Variants in ABCC2 observed in about 807,000 individuals in gnomAD.
ABCC2 encodes the protein ATP binding cassette subfamily C member 2, also known as ATP-binding cassette sub-family C member 2.
In ABCC2, 157 loss-of-function variants were observed where a neutral mutation model predicts 173.4. That is an observed-to-expected ratio of 0.91 (90% CI 0.80 to 1.03). The LOEUF (loss-of-function observed/expected upper bound fraction) is 1.03. Ranked by LOEUF, ABCC2 falls within the 50% of genes least tolerant of loss-of-function variation. The pLI is 0.00. For synonymous variants in ABCC2, 657 were observed against 693.5 expected, an observed-to-expected ratio of 0.95 and a Z score of 0.83; for missense variants, 1,822 against 1,852.3, an observed-to-expected ratio of 0.98 and a Z score of 0.30.
At chr10:99,822,904 A>G (rs1185820203) in intron 19 of ABCC2, among the ~76,000 whole-genome samples, 1 of 152,130 alleles carries the variant, frequency 6.6e-6, no homozygotes, top group East Asian at 1.9e-4. Context: ...AAGCTTTACT[A>G]CAATATCCTG....
chr10:99,800,512 C>A lies in ABCC2; in HGVS notation c.1158C>A (p.Phe386Leu), dbSNP rs2037998158. 6.2e-7 allele frequency: 1 copy of A among 1,614,186 alleles called. No individual in the cohort carries two copies. Among genetic ancestry groups the A allele is most frequent in the Non-Finnish European group, 8.5e-7 (1 of 1,180,028 alleles). ...TTCAGTGTTATTTCCAACTGTGCTTCAAGCTGGGTGTAAAAGTACGGACAG... is the reference window on the plus strand; with the variant it reads ...TTCAGTGTTATTTCCAACTGTGCTTAAAGCTGGGTGTAAAAGTACGGACAG... ...FCLQCYFQLCFKLGVKVRTAI... is the reference protein window; with the variant it reads ...FCLQCYFQLCLKLGVKVRTAI... Residue 386 changes from phenylalanine (F) to leucine (L), a missense_variant, in exon 9 of 32, where the codon TTC becomes TTA. By Grantham distance (22) the Phe-to-Leu change is conservative. Coordinates refer to ENST00000647814, the MANE Select transcript of ABCC2 (RefSeq NM_000392.5).
At chr10:99,836,415 C>G (rs540139343) in intron 25 of ABCC2, 125 bp downstream of exon 25, 1 of 1,003,304 alleles carries the variant, frequency 1.0e-6, no homozygotes, top group African/African-American at 1.6e-5. Flanking sequence ...CACTGTCATG[C>G]TATGTAAGTG....
chr10:99,787,065 G>T (rs2037724482), intron 2 of ABCC2, among the ~76,000 whole-genome samples: 1 of 151,158 alleles, frequency 6.6e-6, no homozygotes, highest in South Asian at 2.1e-4. Flanking sequence ...CTACTCAGGT[G>T]GCTGAGGCAT....
intron 16 of ABCC2, among the ~76,000 whole-genome samples, chr10:99,814,739 GTATATGTATGTATATACACACACATA>G (rs2038364972): frequency 7.0e-6 from 1 of 142,280 alleles, no homozygotes; most frequent in African/African-American, 2.6e-5. Flanking sequence ...GTGTGTATGT[GTATATGTATGTATATACACACACATA>G]TATGTGTGTG....
chr10:99,808,082 G>A lies in ABCC2; in HGVS notation c.1669-1G>A. 6.2e-7 allele frequency: 1 copy of A among 1,614,032 alleles called. No homozygotes were observed. Among genetic ancestry groups the A allele is most frequent in the Non-Finnish European group, 8.5e-7 (1 of 1,179,990 alleles). On this transcript the variant is annotated splice_acceptor_variant, in intron 12 of 31. Transcript: ENST00000647814. LOFTEE classifies it high-confidence loss of function. ...ATTGCTCATGACCTTGCCCTTTCCA[G>A]GTATCTGTGGTCACATTTTCTGTTT...
rs2038340165 is a variant in ABCC2 at position 99,814,574 on chromosome 10, C to CGTGT, written c.2094+1430_2094+1431insGTGT. ...ATGTGTATATACACATATACACACA[C>CGTGT]ATATGTGTATATACACATATACACA... On this transcript the variant is annotated intron_variant, in intron 16 of 31. Transcript: ENST00000647814. Among the ~76,000 whole-genome samples the CGTGT allele has an allele frequency of 2.8e-4, 27 of 96,950 alleles. 4 individuals carry two copies. The highest frequency in any genetic ancestry group is 8.6e-5 in the Non-Finnish European group (4 of 46,484). 63.6% of individuals were successfully genotyped at this position (96,950 alleles called of 152,430 possible). A position where few individuals can be genotyped will look rare whatever the true frequency, so the allele number is the denominator to read the frequency against.
chr10:99,818,723 T>G, intron 17 of ABCC2, 67 bp from the exon 18 acceptor site: 1 of 1,583,914 alleles, frequency 6.3e-7, no homozygotes, highest in Non-Finnish European at 8.7e-7. Context: ...CTTTTACCCC[T>G]CCCTATTAGA....
intron 30 of ABCC2, among the ~76,000 whole-genome samples, chr10:99,849,536 T>TA (rs2039061015): frequency 6.6e-6 from 1 of 152,228 alleles, no homozygotes; most frequent in African/African-American, 2.4e-5. Flanking sequence ...CCTGGGGGAC[T>TA]AAAACTTACA....
At position 99,831,060 on chromosome 10, in the gene ABCC2, A is replaced by C. The variant is rs577092169; in HGVS notation, c.2883+209A>C. Among the ~76,000 whole-genome samples, 5 of 152,304 alleles carry C rather than the reference A, an allele frequency of 3.3e-5. No homozygotes were observed. The South Asian group carries it at 1.0e-3, about 32-fold the overall frequency. ...CATAAAGAATGCTATGTTTCCTGTG[A>C]ATGTCCTCATCCTACACTTCATGAG... On this transcript the variant is annotated intron_variant, in intron 21 of 31. Transcript: ENST00000647814.
Position 99,814,302 on chromosome 10 carries a change from C to CAT in ABCC2, c.2094+1159_2094+1160insTA, listed in dbSNP as rs1361552434. ...GTATGTATACACACACGTATGTATA[C>CAT]ACACATGTATATACACACGTATGTA... is the stretch of plus-strand genomic sequence containing the variant. On this transcript the variant is annotated intron_variant, in intron 16 of 31. Transcript: ENST00000647814. 7.0e-4 allele frequency among the ~76,000 whole-genome samples: 50 copies of CAT among 71,688 alleles called. 2 individuals are homozygous for CAT. The highest frequency in any genetic ancestry group is 0.015 in the Middle Eastern group (2 of 134). 47.0% of individuals were successfully genotyped at this position (71,688 alleles called of 152,430 possible).
intron 2 of ABCC2, 55 bp downstream of exon 2, chr10:99,784,836 A>G (rs900205489): frequency 1.3e-6 from 2 of 1,592,394 alleles, no homozygotes. Flanking sequence ...CAGTAGAGAC[A>G]TTTTCTTGGT....
intron 17 of ABCC2, 77 bp downstream of exon 17, chr10:99,817,561 C>A: frequency 1.4e-6 from 2 of 1,476,732 alleles, no homozygotes; most frequent in Non-Finnish European, 1.9e-6. Context: ...TGAAGAACTA[C>A]ACAGGGGTAA....
chr10:99,821,443 G>A (rs1279919241), intron 19 of ABCC2, among the ~76,000 whole-genome samples: 1 of 152,114 alleles, frequency 6.6e-6, no homozygotes, highest in Non-Finnish European at 1.5e-5. Flanking sequence ...CCATATTTCA[G>A]ACTATCACAT....
intron 29 of ABCC2, 94 bp downstream of exon 29, chr10:99,845,876 C>T: frequency 7.4e-7 from 1 of 1,346,500 alleles, no homozygotes. Context: ...GTTCAGTCAG[C>T]ACTGTCAATT....
intron 19 of ABCC2, among the ~76,000 whole-genome samples, chr10:99,828,790 A>G (rs1321040767): frequency 2.6e-5 from 4 of 151,626 alleles, no homozygotes; most frequent in Non-Finnish European, 5.9e-5. Flanking sequence ...GGTGGTGGGG[A>G]GCATGTCTTC....
chr10:99,820,560 C>T (rs1005539070), intron 19 of ABCC2, among the ~76,000 whole-genome samples: 2 of 152,180 alleles, frequency 1.3e-5, no homozygotes, highest in East Asian at 1.9e-4. Context: ...GAGTTTGAGA[C>T]CACCCTGGGC....
At position 99,786,796 on chromosome 10, in the gene ABCC2, A is replaced by T. The variant is rs2037718274; in HGVS notation, c.207+2015A>T. 2.0e-5 allele frequency among the ~76,000 whole-genome samples: 3 copies of T among 152,284 alleles called. No individual in the cohort carries two copies. The South Asian group carries it at 6.2e-4, about 32-fold the overall frequency. On this transcript the variant is annotated intron_variant, in intron 2 of 31. Transcript: ENST00000647814. ...GAGGTGGGTGGATCACGAGGTCAGG[A>T]GTTCGAGACGAGCCTGGCCAACATG...
chr10:99,844,021 T>G, intron 27 of ABCC2, 121 bp downstream of exon 27: 1 of 944,046 alleles, frequency 1.1e-6, no homozygotes, highest in Non-Finnish European at 1.7e-6. Flanking sequence ...TAAAGTTTCC[T>G]TTCCTCTAAC....
At chr10:99,833,105 A>C (rs1342050190) in intron 23 of ABCC2, among the ~76,000 whole-genome samples, 1 of 152,228 alleles carries the variant, frequency 6.6e-6, no homozygotes, top group African/African-American at 2.4e-5. Context: ...CACAGTCCAC[A>C]GCCAGGTTCT....
Sources: allele counts gnomAD v4.1 joint callset (sites outside exome capture counted in the v4.1 genomes callset), GRCh38; gene constraint gnomAD v4.1.1; transcripts MANE v1.5; gene names NCBI Gene and HGNC (gene_info 2026-07-23, HGNC 2026-07-21).